KIF1A: variants seen among roughly 807,000 people sequenced by gnomAD.
KIF1A encodes kinesin family member 1A, also known as kinesin-like protein KIF1A.
KIF1A carries 46 observed loss-of-function variants against 227.3 expected under a neutral mutation model. The ratio of observed to expected loss-of-function variants is 0.20; its 90% CI spans 0.16 to 0.26. KIF1A has a LOEUF of 0.26. Among genes scored for constraint, KIF1A ranks in the 10% least tolerant of loss-of-function variants. The probability of loss-of-function intolerance (pLI) is 1.00; values close to 1 mark genes in which losing one functional copy is unlikely to be tolerated. For missense variants in KIF1A, 1,683 were observed against 2,485.9 expected, an observed-to-expected ratio of 0.68 and a Z score of 6.87; for synonymous variants, 1,022 against 1,012.8, an observed-to-expected ratio of 1.01 and a Z score of -0.17.
At chr2:240,802,532 A>G (rs909755930) in intron 1 of KIF1A, among the ~76,000 whole-genome samples, 2 of 152,248 alleles carry the variant, frequency 1.3e-5, no homozygotes, top group African/African-American at 4.8e-5. Context: ...TGTTCATAAG[A>G]GACTCTACAT....
At chr2:240,802,708 T>C (rs975539501) in intron 1 of KIF1A, among the ~76,000 whole-genome samples, 1 of 152,236 alleles carries the variant, frequency 6.6e-6, no homozygotes, top group Non-Finnish European at 1.5e-5. Flanking sequence ...CTTAGCTCAC[T>C]ACAGCCTTTA....
At chr2:240,721,175 C>G (rs559632931) in intron 44 of KIF1A, 137 bp from the exon 45 acceptor site, 2 of 1,180,470 alleles carry the variant, frequency 1.7e-6, no homozygotes, top group Non-Finnish European at 2.4e-6. Flanking sequence ...AGCCTTGGCT[C>G]AAAGTTGGCC....
At position 240,726,768 on chromosome 2, in the gene KIF1A, A is replaced by T. The variant is rs767100716; in HGVS notation, c.4122+58T>A. On this transcript the variant is annotated intron_variant, in intron 39 of 48. Coordinates refer to ENST00000498729, the MANE Select transcript of KIF1A (RefSeq NM_001244008.2). The surrounding 1 kb of genome is among the most constrained non-coding windows in gnomAD (Gnocchi z 5.2). ...ATGGGGTTGTCCAGAGCTTACAAGA[A>T]CCTCAAGCTTCAGGGGCTGAGTGGT... 15 of 1,028,874 alleles carry T rather than the reference A, an allele frequency of 1.5e-5. No individual in the cohort carries two copies. Among genetic ancestry groups the T allele is most frequent in the Non-Finnish European group, 2.2e-5 (15 of 667,056 alleles). 63.7% of individuals were successfully genotyped at this position (1,028,874 alleles called of 1,614,324 possible).
chr2:240,783,610 C>T, intron 8 of KIF1A, 129 bp downstream of exon 8: 2 of 685,760 alleles, frequency 2.9e-6, no homozygotes, highest in Non-Finnish European at 4.9e-6. Context: ...AGCCTATGCC[C>T]ACCCTCCCTA....
At chr2:240,782,516 A>C in intron 10 of KIF1A, 74 bp downstream of exon 10, 1 of 1,466,412 alleles carries the variant, frequency 6.8e-7, no homozygotes, top group Non-Finnish European at 9.3e-7. Flanking sequence ...GCCCCTCACC[A>C]CAGGGCGCCA....
intron 20 of KIF1A, 93 bp downstream of exon 20, chr2:240,765,617 C>G (rs1389373500): frequency 4.9e-6 from 5 of 1,011,174 alleles, no homozygotes; most frequent in African/African-American, 4.8e-5. Flanking sequence ...CCATCCCGCA[C>G]AGTGCACAGG....
chr2:240,744,196 C>A (rs2048328763), intron 32 of KIF1A, 136 bp from the exon 33 acceptor site: 1 of 652,602 alleles, frequency 1.5e-6, no homozygotes, highest in African/African-American at 1.8e-5. Context: ...TGCCCAGGGG[C>A]AGCAGCCTCC....
intron 32 of KIF1A, 64 bp downstream of exon 32, chr2:240,745,363 G>T: frequency 8.0e-7 from 1 of 1,251,292 alleles, no homozygotes; most frequent in Non-Finnish European, 1.2e-6. Flanking sequence ...AATGAGCCAT[G>T]CTCAGAGAGG....
At chr2:240,771,987 G>A (rs1044290207) in intron 14 of KIF1A, among the ~76,000 whole-genome samples, 1 of 152,240 alleles carries the variant, frequency 6.6e-6, no homozygotes, top group African/African-American at 2.4e-5. Context: ...CTGCAGCCAA[G>A]CTCGGGGAGG....
intron 1 of KIF1A, among the ~76,000 whole-genome samples, chr2:240,810,756 C>T (rs200189283): frequency 6.6e-6 from 1 of 152,172 alleles, no homozygotes; most frequent in East Asian, 1.9e-4. Flanking sequence ...CAGGAGCGAT[C>T]AGCACCGAAT....
At chr2:240,755,349 C>T (rs1435213123) in intron 27 of KIF1A, among the ~76,000 whole-genome samples, 1 of 152,136 alleles carries the variant, frequency 6.6e-6, no homozygotes, top group African/African-American at 2.4e-5. Context: ...CTGAGTGTGG[C>T]GGGAGGGAGG....
Position 240,760,852 on chromosome 2 carries a change from G to C in KIF1A, c.2266-9C>G. ...ACAAACTGGAATTGTACCTGTGACA[G>C]GGGAAGATGACCACTCGTCAGCTCC... On this transcript the variant is annotated splice_polypyrimidine_tract_variant and intron_variant, in intron 24 of 48. Coordinates refer to ENST00000498729, the MANE Select transcript of KIF1A (RefSeq NM_001244008.2). The C allele has an allele frequency of 6.2e-7, 1 of 1,604,476 alleles. No homozygotes were observed. The highest frequency in any genetic ancestry group is 8.5e-7 in the Non-Finnish European group (1 of 1,176,562).
rs1446262338 is a variant in KIF1A, at chr2:240,772,598, T to C, written c.1181-2A>G. On this transcript the variant is annotated splice_acceptor_variant, in intron 13 of 48. Coordinates refer to ENST00000498729, the MANE Select transcript of KIF1A (RefSeq NM_001244008.2). LOFTEE classifies it high-confidence loss of function. ...TGGGTCCTCCAGGCACAGTGTTGGCTATGGGGGAGGGAAGCGTGGGGGAGG... is the reference window on the plus strand; with the variant it reads ...TGGGTCCTCCAGGCACAGTGTTGGCCATGGGGGAGGGAAGCGTGGGGGAGG... 1 of 1,546,062 alleles carries C rather than the reference T, an allele frequency of 6.5e-7. No homozygotes were observed. The highest frequency in any genetic ancestry group is 2.0e-5 in the Admixed American group (1 of 50,916).
chr2:240,794,548 C>T (rs112185173), intron 2 of KIF1A, among the ~76,000 whole-genome samples: 14 of 152,372 alleles, frequency 9.2e-5, no homozygotes, highest in African/African-American at 2.6e-4. Context: ...CACTCAGGTC[C>T]GCTGCCGGGA....
Position 240,770,952 on chromosome 2 carries a change from C to T in KIF1A, c.1341+19G>A. 1 of 1,607,882 alleles carries T rather than the reference C, an allele frequency of 6.2e-7. No individual in the cohort carries two copies. Among genetic ancestry groups the T allele is most frequent in the Non-Finnish European group, 8.5e-7 (1 of 1,179,402 alleles). Reference sequence around the variant, plus strand: ...ACTCCCAGAGTCTGACACCCTGAAGCCCCAGGTGGTGCCCTCACCTTCAGT... The same window carrying T: ...ACTCCCAGAGTCTGACACCCTGAAGTCCCAGGTGGTGCCCTCACCTTCAGT... On this transcript the variant is annotated intron_variant, in intron 15 of 48. Transcript: ENST00000498729.
chr2:240,816,329 CATGTGTGTGTCAGTGTGTGTGCA>C (rs1233797151), intron 1 of KIF1A, among the ~76,000 whole-genome samples: 6 of 151,628 alleles, frequency 4.0e-5, no homozygotes, highest in Admixed American at 3.3e-4. Context: ...GGTGTGCGTG[CATGTGTGTGTCAGTGTGTGTGCA>C]ATGTGTGTGT....
At chr2:240,782,517 C>A in intron 10 of KIF1A, 73 bp downstream of exon 10, 1 of 1,482,014 alleles carries the variant, frequency 6.7e-7, no homozygotes, top group South Asian at 1.2e-5. Flanking sequence ...CCCCTCACCA[C>A]AGGGCGCCAA....
intron 1 of KIF1A, among the ~76,000 whole-genome samples, chr2:240,813,200 T>C (rs1172578898): frequency 2.6e-5 from 4 of 152,248 alleles, no homozygotes; most frequent in Non-Finnish European, 5.9e-5. Flanking sequence ...CCGATTGTCA[T>C]AGAGGAGTGT....
At chr2:240,722,204 C>T (rs1471312548) in intron 43 of KIF1A, among the ~76,000 whole-genome samples, 1 of 152,196 alleles carries the variant, frequency 6.6e-6, no homozygotes, top group Non-Finnish European at 1.5e-5. Flanking sequence ...TGGTGAGCTC[C>T]CCATCAGCAC....
Sources: gnomAD v4.1 joint callset for allele counts (sites outside exome capture counted in the v4.1 genomes callset) on GRCh38, gnomAD v4.1.1 for gene constraint, Gnocchi (gnomAD v3.1) non-coding constraint, MANE v1.5 for transcripts, NCBI Gene and HGNC (gene_info 2026-07-23, HGNC 2026-07-21) for gene names.